STON1: variants seen among roughly 807,000 people sequenced by gnomAD.
STON1 encodes the protein stonin-1.
Under a neutral mutation model 60.9 loss-of-function variants are expected in STON1, and 79 were observed. That is an observed-to-expected ratio of 1.30 (90% CI 1.08 to 1.56). The LOEUF (loss-of-function observed/expected upper bound fraction) is 1.56. STON1 is among the 40% of genes most tolerant of loss of function. STON1 has a pLI of 0.00. For missense variants in STON1, 1,166 were observed against 858.9 expected, an observed-to-expected ratio of 1.36 and a Z score of -4.47; for synonymous variants, 363 against 306.9, an observed-to-expected ratio of 1.18 and a Z score of -1.91.
At chr2:48,577,908 G>C (rs1292734097) in intron 1 of STON1, among the ~76,000 whole-genome samples, 1 of 150,634 alleles carries the variant, frequency 6.6e-6, no homozygotes, top group East Asian at 2.0e-4. Context: ...GAGCCACCGA[G>C]CCCGGCCAAA....
chr2:48,533,758 T>G (rs1671313079), intron 1 of STON1, among the ~76,000 whole-genome samples: 1 of 140,526 alleles, frequency 7.1e-6, no homozygotes, highest in Non-Finnish European at 1.5e-5. Context: ...AATGTTGAAT[T>G]ACACAGGACT....
chr2:48,581,578 A>G lies in STON1; in HGVS notation c.945A>G (p.Leu315=). Reference sequence around the variant, plus strand: ...TGCAGATGTATTATGAACAGGGATTAGAAAAACCATTTAAAGAGATACAGC... The same window carrying G: ...TGCAGATGTATTATGAACAGGGATTGGAAAAACCATTTAAAGAGATACAGC... The part of the protein sequence containing the change: ...GILQMYYEQG[L]EKPFKEIQLD... Residue 315 remains leucine, a synonymous_variant, in exon 2 of 4, where the codon TTA becomes TTG. Coordinates refer to ENST00000404752, the MANE Select transcript of STON1 (RefSeq NM_006873.4). 1.2e-6 allele frequency: 2 copies of G among 1,614,234 alleles called. No individual in the cohort carries two copies. Among genetic ancestry groups the G allele is most frequent in the South Asian group, 2.2e-5 (2 of 91,086 alleles).
rs1476584859 is a variant in STON1, at chr2:48,596,326, A to G, written c.*1024A>G. On this transcript the variant is annotated 3_prime_UTR_variant, in exon 4 of 4. Coordinates refer to ENST00000404752, the MANE Select transcript of STON1 (RefSeq NM_006873.4). ...ACTTGGTATTTTACCCAGATTTCTA[A>G]GTGGCAACATTTTTATTCTTCAGAG... 1.3e-5 allele frequency: 2 copies of G among 152,238 alleles called. No individual in the cohort carries two copies. Among genetic ancestry groups the G allele is most frequent in the African/African-American group, 4.8e-5 (2 of 41,468 alleles). 9.4% of individuals were successfully genotyped at this position (152,238 alleles called of 1,614,324 possible).
chr2:48,541,772 C>T (rs1023766542), intron 1 of STON1, among the ~76,000 whole-genome samples: 2 of 151,544 alleles, frequency 1.3e-5, no homozygotes, highest in Non-Finnish European at 2.9e-5. Flanking sequence ...TACATTGGCT[C>T]CTGCATGTGA....
At chr2:48,543,865 G>GACT (rs1387189735) in intron 1 of STON1, among the ~76,000 whole-genome samples, 1 of 152,122 alleles carries the variant, frequency 6.6e-6, no homozygotes, top group Non-Finnish European at 1.5e-5. Context: ...ACCCCAGAGA[G>GACT]ACTATGTAAC....
At chr2:48,587,786 T>G (rs1330510074) in intron 2 of STON1, among the ~76,000 whole-genome samples, 1 of 152,168 alleles carries the variant, frequency 6.6e-6, no homozygotes, top group East Asian at 1.9e-4. Flanking sequence ...AACAAATCCT[T>G]TGGGATCACA....
intron 2 of STON1, among the ~76,000 whole-genome samples, chr2:48,587,804 T>C (rs931012439): frequency 6.6e-6 from 1 of 152,202 alleles, no homozygotes; most frequent in Non-Finnish European, 1.5e-5. Context: ...ACAGCTGCTT[T>C]ATTGAGATCA....
In STON1 at chr2:48,595,280, T is replaced by G. The variant is rs770568145; in HGVS notation, c.2186T>G (p.Ile729Ser). The change falls in exon 4 of 4, where the codon ATT becomes AGT. Residue 729 changes from isoleucine (I) to serine (S), a missense_variant. Physicochemically the swap from Ile to Ser is moderately radical, Grantham distance 142. Transcript: ENST00000404752. ...IKIDGEDPDK[I>S]GDCITQ The stretch of plus-strand genomic sequence containing the variant: ...ATCGATGGAGAAGACCCAGATAAAA[T>G]TGGTGACTGCATAACTCAGTAGGAG... The G allele has an allele frequency of 1.2e-6, 2 of 1,613,678 alleles. No homozygotes were observed. The highest frequency in any genetic ancestry group is 2.7e-5 in the African/African-American group (2 of 74,890).
At chr2:48,594,424 A>T (rs562465571) in intron 3 of STON1, among the ~76,000 whole-genome samples, 1 of 152,310 alleles carries the variant, frequency 6.6e-6, no homozygotes, top group Non-Finnish European at 1.5e-5. Flanking sequence ...CAGTTTCAAA[A>T]TGTTTTCTTC....
intron 1 of STON1, among the ~76,000 whole-genome samples, chr2:48,573,028 G>A (rs1174828490): frequency 2.0e-5 from 3 of 152,206 alleles, no homozygotes; most frequent in Non-Finnish European, 1.5e-5. Flanking sequence ...TGTCCCTAGC[G>A]GAGCCCCAGG....
chr2:48,576,498 CTTTTT>C (rs35460615), intron 1 of STON1, among the ~76,000 whole-genome samples: 3 of 143,946 alleles, frequency 2.1e-5, no homozygotes, highest in Admixed American at 6.9e-5. Flanking sequence ...CCATATTATC[CTTTTT>C]TTTTTTTTTT....
chr2:48,568,562 A>C (rs1038695797), intron 1 of STON1, among the ~76,000 whole-genome samples: 1 of 151,972 alleles, frequency 6.6e-6, no homozygotes, highest in African/African-American at 2.4e-5. Flanking sequence ...AATTACAGAG[A>C]ATACTGGAAT....
intron 1 of STON1, chr2:48,531,776 T>G (rs1314715884): frequency 1.3e-5 from 2 of 152,232 alleles, no homozygotes; most frequent in Non-Finnish European, 2.9e-5. Context: ...AAGAACACAC[T>G]TCTCAAAACT....
chr2:48,583,220 C>G lies in STON1; in HGVS notation c.1930+657C>G, dbSNP rs576751376. ...CTTCCTGCTTCAGCCTCCTCAGTACCTGGGATTACAGATGCATACCATCGT... is the reference window on the plus strand; with the variant it reads ...CTTCCTGCTTCAGCCTCCTCAGTACGTGGGATTACAGATGCATACCATCGT... On this transcript the variant is annotated intron_variant, in intron 2 of 3. Coordinates refer to ENST00000404752, the MANE Select transcript of STON1 (RefSeq NM_006873.4). 1.3e-4 allele frequency among the ~76,000 whole-genome samples: 20 copies of G among 152,288 alleles called. No homozygotes were observed. The South Asian group carries it at 3.7e-3, about 28-fold the overall frequency.
intron 1 of STON1, among the ~76,000 whole-genome samples, chr2:48,574,616 A>G (rs902521892): frequency 6.6e-6 from 1 of 152,194 alleles, no homozygotes; most frequent in Admixed American, 6.6e-5. Context: ...CAGCTATGAA[A>G]CTGGAATAAT....
In STON1 at chr2:48,578,198, G is replaced by T. The variant is rs140834316; in HGVS notation, c.-47-2389G>T. Reference sequence around the variant, plus strand: ...CACCATGTTGGCCATGCTGGCCTTGGACTTCTGACCTCAGGTGATCCACCC... The same window carrying T: ...CACCATGTTGGCCATGCTGGCCTTGTACTTCTGACCTCAGGTGATCCACCC... On this transcript the variant is annotated intron_variant, in intron 1 of 3. Coordinates refer to ENST00000404752, the MANE Select transcript of STON1 (RefSeq NM_006873.4). 3.1e-3 allele frequency among the ~76,000 whole-genome samples: 471 copies of T among 151,146 alleles called. 2 individuals are homozygous for T. The highest frequency in any genetic ancestry group is 3.8e-3 in the Non-Finnish European group (260 of 67,698).
chr2:48,564,568 TCC>T lies in STON1; in HGVS notation c.-47-16018_-47-16017del, dbSNP rs1489614909. Among the ~76,000 whole-genome samples, 11 of 60,260 alleles carry T rather than the reference TCC, an allele frequency of 1.8e-4. 1 individual carries two copies. Among genetic ancestry groups the T allele is most frequent in the Non-Finnish European group, 3.4e-4 (10 of 29,612 alleles). The allele number at this position is 60,260 out of a possible 152,430, so 39.5% of individuals were successfully genotyped here. The stretch of plus-strand genomic sequence containing the variant: ...CTTCTTCTTCTTCTTCTTCTTCTTC[TCC>T]TTCTCCTTCTCCTCCTCCTCCTCCT... On this transcript the variant is annotated intron_variant, in intron 1 of 3. Coordinates refer to ENST00000404752, the MANE Select transcript of STON1 (RefSeq NM_006873.4).
intron 1 of STON1, among the ~76,000 whole-genome samples, chr2:48,565,710 C>T (rs1056559745): frequency 1.4e-4 from 22 of 152,148 alleles, no homozygotes; most frequent in Admixed American, 1.4e-3. Flanking sequence ...CTGGAGAAAG[C>T]AGGTGTTCTA....
chr2:48,570,485 G>C (rs1332897424), intron 1 of STON1, among the ~76,000 whole-genome samples: 1 of 152,176 alleles, frequency 6.6e-6, no homozygotes, highest in Non-Finnish European at 1.5e-5. Flanking sequence ...CAATTAGTTA[G>C]TTCAGGGCTT....
Sources: gnomAD v4.1 joint callset for allele counts (sites outside exome capture counted in the v4.1 genomes callset) on GRCh38, gnomAD v4.1.1 for gene constraint, MANE v1.5 for transcripts, NCBI Gene and HGNC (gene_info 2026-07-23, HGNC 2026-07-21) for gene names.